The following PCDHGA5 variants were observed in gnomAD, a reference collection of about 807,000 sequenced individuals.
PCDHGA5 encodes the protein protocadherin gamma subfamily A, 5.
In PCDHGA5, 36 loss-of-function variants were observed where a neutral mutation model predicts 56.7. The observed-to-expected ratio is 0.64, with a 90% CI of 0.49 to 0.84. The LOEUF (loss-of-function observed/expected upper bound fraction) is 0.84. PCDHGA5 is among the 40% of genes least tolerant of loss of function. The probability of loss-of-function intolerance (pLI) is 0.00; values close to 1 mark genes in which losing one functional copy is unlikely to be tolerated. For synonymous variants in PCDHGA5, 563 were observed against 520.2 expected (o/e 1.08, Z -1.12); for missense variants, 1,305 against 1,201.5 (o/e 1.09, Z -1.27).
intron 1 of PCDHGA5, chr5:141,423,804 T>A: frequency 8.1e-7 from 1 of 1,240,508 alleles, no homozygotes; most frequent in Non-Finnish European, 1.0e-6. Context: ...GAGCAATACA[T>A]GTGAGTTTTA....
chr5:141,435,454 T>C (rs1407615505), intron 1 of PCDHGA5, among the ~76,000 whole-genome samples: 1 of 152,220 alleles, frequency 6.6e-6, no homozygotes, highest in Non-Finnish European at 1.5e-5. Flanking sequence ...ACGATATCTG[T>C]ATGTGTTTCC....
intron 1 of PCDHGA5, among the ~76,000 whole-genome samples, chr5:141,464,442 G>A (rs890758574): frequency 3.3e-5 from 5 of 151,500 alleles, no homozygotes; most frequent in African/African-American, 1.2e-4. Flanking sequence ...TATGTTTGTT[G>A]TTGTTGTTGT....
rs753872678 is a variant in PCDHGA5, at chr5:141,431,407, C to G, written c.2422-63400C>G. 4 of 1,613,716 alleles carry G rather than the reference C, an allele frequency of 2.5e-6. No individual in the cohort carries two copies. Among genetic ancestry groups the G allele is most frequent in the Non-Finnish European group, 3.4e-6 (4 of 1,180,048 alleles). The stretch of plus-strand genomic sequence containing the variant: ...ACCACCTGGTCCTTACGGCCTCCGA[C>G]GGGGGCGACCCGGTGCGCACAGGCA... On this transcript the variant is annotated intron_variant, in intron 1 of 3. Coordinates refer to ENST00000518069, the MANE Select transcript of PCDHGA5 (RefSeq NM_018918.3). This position sits in a 1 kb window ranked among gnomAD's most constrained non-coding sequence, Gnocchi z 4.8.
intron 1 of PCDHGA5, among the ~76,000 whole-genome samples, chr5:141,430,253 T>G (rs2097270288): frequency 9.8e-6 from 1 of 102,050 alleles, no homozygotes; most frequent in Admixed American, 1.0e-4. Context: ...TAGGGAGACA[T>G]CTCCATAATA....
chr5:141,434,784 A>C (rs967716221), intron 1 of PCDHGA5, among the ~76,000 whole-genome samples: 1 of 150,278 alleles, frequency 6.7e-6, no homozygotes, highest in African/African-American at 2.5e-5. Flanking sequence ...AAAAAAAAAA[A>C]TTTTTTTTTC....
chr5:141,449,425 G>T (rs1206395356), intron 1 of PCDHGA5, among the ~76,000 whole-genome samples: 2 of 151,688 alleles, frequency 1.3e-5, no homozygotes, highest in Non-Finnish European at 2.9e-5. Context: ...TGGCCAACAT[G>T]ATAAAACTCC....
At chr5:141,416,913 G>C (rs2096067624) in intron 1 of PCDHGA5, 1 of 151,920 alleles carries the variant, frequency 6.6e-6, no homozygotes, top group South Asian at 2.1e-4. Context: ...ACACTCTTTA[G>C]GGTCATAGTT....
intron 1 of PCDHGA5, chr5:141,405,626 C>G (rs1329214735): frequency 3.7e-6 from 2 of 538,556 alleles, no homozygotes; most frequent in South Asian, 5.3e-5. Context: ...AGGCACGTGC[C>G]ACCACGCCCG....
chr5:141,409,213 C>T (rs1379007048), intron 1 of PCDHGA5: 1 of 1,613,994 alleles, frequency 6.2e-7, no homozygotes, highest in Admixed American at 1.7e-5. Context: ...TCATAGAAAT[C>T]CTTGATGAAA....
intron 1 of PCDHGA5, chr5:141,374,052 T>C (rs1770060748): frequency 1.4e-6 from 2 of 1,478,038 alleles, no homozygotes; most frequent in Non-Finnish European, 9.0e-7. Flanking sequence ...CTTCCTCTTC[T>C]TAATCCCAGA....
intron 1 of PCDHGA5, chr5:141,421,412 A>T (rs375885183): frequency 4.3e-6 from 7 of 1,613,962 alleles, no homozygotes; most frequent in Non-Finnish European, 5.9e-6. Context: ...GAGCTGGCGA[A>T]GCGCGGAGTC....
Position 141,431,021 on chromosome 5 carries a change from G to A in PCDHGA5, c.2422-63786G>A. On this transcript the variant is annotated intron_variant, in intron 1 of 3. Coordinates refer to ENST00000518069, the MANE Select transcript of PCDHGA5 (RefSeq NM_018918.3). This position sits in a 1 kb window ranked among gnomAD's most constrained non-coding sequence, Gnocchi z 4.8. ...GCGCAGCGGCAGCTTGGTCACGGCG[G>A]GCAGGATAGACCGGGAGGAGCTCTG... is the stretch of plus-strand genomic sequence containing the variant. 1 of 1,613,940 alleles carries A rather than the reference G, an allele frequency of 6.2e-7. No individual in the cohort carries two copies. Among genetic ancestry groups the A allele is most frequent in the Non-Finnish European group, 8.5e-7 (1 of 1,179,936 alleles).
chr5:141,403,237 C>T (rs1293614874), intron 1 of PCDHGA5: 1 of 1,613,824 alleles, frequency 6.2e-7, no homozygotes, highest in Non-Finnish European at 8.5e-7. Flanking sequence ...GGGAGGAGCT[C>T]TGTGCTCAGA....
chr5:141,426,090 T>G (rs545457395), intron 1 of PCDHGA5, among the ~76,000 whole-genome samples: 1 of 152,246 alleles, frequency 6.6e-6, no homozygotes, highest in African/African-American at 2.4e-5. Context: ...CAGGACGATA[T>G]TCTGTTCAGT....
intron 1 of PCDHGA5, chr5:141,372,171 G>A (rs573101178): frequency 2.5e-6 from 4 of 1,613,744 alleles, no homozygotes; most frequent in East Asian, 4.5e-5. Flanking sequence ...CAAGGTGGTG[G>A]CGGTGGACGC....
In PCDHGA5 at chr5:141,427,541, C is replaced by G. The variant is rs541988301; in HGVS notation, c.2421+60790C>G. ...AGCGGATCCCGGAGTACAACGTCACCATCACTGCCACTGACAAGGGCAAGC... is the reference window on the plus strand; with the variant it reads ...AGCGGATCCCGGAGTACAACGTCACGATCACTGCCACTGACAAGGGCAAGC... On this transcript the variant is annotated intron_variant, in intron 1 of 3. Coordinates refer to ENST00000518069, the MANE Select transcript of PCDHGA5 (RefSeq NM_018918.3). 3.1e-5 allele frequency: 20 copies of G among 635,320 alleles called. No individual in the cohort carries two copies. The African/African-American group carries it at 3.6e-4, about 11-fold the overall frequency. The allele number at this position is 635,320 out of a possible 1,614,324, so 39.4% of individuals were successfully genotyped here.
chr5:141,366,556 C>T lies in PCDHGA5; in HGVS notation c.2226C>T (p.Gly742=), dbSNP rs1764642074. ...LAGVPASHFV[G]VDGVRAFLQT... is the part of the protein sequence containing the mutation. ...GTGTGCCCGCCTCGCACTTTGTGGG[C>T]GTGGATGGGGTTCGGGCTTTCCTGC... The change falls in exon 1 of 4, where the codon GGC becomes GGT. Residue 742 remains glycine (G), a synonymous_variant. Transcript: ENST00000518069. 3.1e-6 allele frequency: 5 copies of T among 1,614,234 alleles called. No individual in the cohort carries two copies. The highest frequency in any genetic ancestry group is 2.2e-5 in the East Asian group (1 of 44,888).
intron 1 of PCDHGA5, chr5:141,375,541 A>G (rs566370523): frequency 1.2e-6 from 2 of 1,613,786 alleles, no homozygotes; most frequent in South Asian, 2.2e-5. Context: ...AGAACGCCCA[A>G]GTCTCCTACT....
At position 141,364,303 on chromosome 5, in the gene PCDHGA5, T is replaced by C; in HGVS notation, c.-28T>C. The C allele has an allele frequency of 1.3e-6, 2 of 1,521,756 alleles. No homozygotes were observed. Among genetic ancestry groups the C allele is most frequent in the South Asian group, 1.3e-5 (1 of 74,884 alleles). 94.3% of individuals were successfully genotyped at this position (1,521,756 alleles called of 1,614,324 possible). Reference sequence around the variant, plus strand: ...AGGAAACAGCAGGCTGAACCAGAACTAAGAGAAAATTGGGCAGAGAGAAGG... The same window carrying C: ...AGGAAACAGCAGGCTGAACCAGAACCAAGAGAAAATTGGGCAGAGAGAAGG... On this transcript the variant is annotated 5_prime_UTR_variant, in exon 1 of 4. Transcript: ENST00000518069.
Sources: gnomAD v4.1 joint callset for allele counts (sites outside exome capture counted in the v4.1 genomes callset) on GRCh38, gnomAD v4.1.1 for gene constraint, Gnocchi (gnomAD v3.1) non-coding constraint, MANE v1.5 for transcripts, NCBI Gene and HGNC (gene_info 2026-07-23, HGNC 2026-07-21) for gene names.